Variants in TDRD9 observed in about 807,000 individuals in gnomAD.
TDRD9 encodes ATP-dependent RNA helicase TDRD9.
A neutral mutation model predicts 172.6 loss-of-function variants in TDRD9; 124 were observed. The observed-to-expected ratio is 0.72, with a 90% CI of 0.62 to 0.83. The LOEUF (loss-of-function observed/expected upper bound fraction) is 0.83, where lower values mean the gene tolerates loss of function less well. Among genes scored for constraint, TDRD9 ranks in the 40% least tolerant of loss-of-function variants. The pLI, the probability that TDRD9 is intolerant of heterozygous loss-of-function variation, is 0.00. For missense variants in TDRD9, 1,479 were observed against 1,714.1 expected (o/e 0.86, Z 2.42); for synonymous variants, 619 against 617.1 (o/e 1.00, Z -0.05).
intron 1 of TDRD9, among the ~76,000 whole-genome samples, chr14:103,936,881 C>T (rs866609238): frequency 3.3e-5 from 5 of 152,204 alleles, no homozygotes; most frequent in South Asian, 2.1e-4. Context: ...CACTTGAGGC[C>T]GGGAATTCGA....
At chr14:104,004,086 C>G (rs909716988) in intron 13 of TDRD9, among the ~76,000 whole-genome samples, 152 bp from the exon 14 acceptor site, 1 of 152,080 alleles carries the variant, frequency 6.6e-6, no homozygotes, top group Non-Finnish European at 1.5e-5. Context: ...TAAGAATACA[C>G]TAATGTATTC....
chr14:104,028,577 A>G (rs980985729), intron 28 of TDRD9, among the ~76,000 whole-genome samples: 18 of 151,966 alleles, frequency 1.2e-4, no homozygotes, highest in African/African-American at 4.4e-4. Flanking sequence ...TGTATTCTGG[A>G]TGTTATTCCT....
intron 1 of TDRD9, among the ~76,000 whole-genome samples, chr14:103,952,190 G>GTGTGTATATATA (rs1366094210): frequency 3.1e-4 from 17 of 55,524 alleles, no homozygotes; most frequent in South Asian, 2.0e-3. Flanking sequence ...GCGTGTGTGT[G>GTGTGTATATATA]TATATATATA....
intron 1 of TDRD9, among the ~76,000 whole-genome samples, chr14:103,950,535 C>T (rs2031818390): frequency 6.6e-6 from 1 of 152,170 alleles, no homozygotes; most frequent in Admixed American, 6.5e-5. Context: ...TTATGAAGAA[C>T]ACAGGAAGAT....
intron 2 of TDRD9, among the ~76,000 whole-genome samples, chr14:103,962,736 G>A (rs1020035561): frequency 6.6e-6 from 1 of 151,976 alleles, no homozygotes; most frequent in Non-Finnish European, 1.5e-5. Flanking sequence ...TTAATATTTG[G>A]TTTTCTGTTT....
chr14:103,995,242 G>T (rs2034016276), intron 11 of TDRD9, among the ~76,000 whole-genome samples: 1 of 152,170 alleles, frequency 6.6e-6, no homozygotes. Flanking sequence ...GCTTCAGGAG[G>T]ATTTCTTTAT....
intron 18 of TDRD9, 94 bp from the exon 19 acceptor site, chr14:104,007,066 T>TATGTTGTAAATTTTC: frequency 1.6e-6 from 2 of 1,262,634 alleles, no homozygotes. Flanking sequence ...TGTAAATTTT[T>TATGTTGTAAATTTTC]ATGTTGTAAA....
intron 1 of TDRD9, among the ~76,000 whole-genome samples, chr14:103,938,332 A>C (rs1300240875): frequency 2.0e-5 from 3 of 148,828 alleles, no homozygotes; most frequent in Non-Finnish European, 4.4e-5. Flanking sequence ...TTTCTTGATA[A>C]AACACACCTG....
chr14:103,957,773 G>A (rs2032315942), intron 2 of TDRD9, among the ~76,000 whole-genome samples: 1 of 152,194 alleles, frequency 6.6e-6, no homozygotes, highest in Admixed American at 6.5e-5. Flanking sequence ...TGGCCCAGGG[G>A]CACAGGCAGC....
At chr14:103,960,133 A>T (rs530321021) in intron 2 of TDRD9, among the ~76,000 whole-genome samples, 2 of 152,360 alleles carry the variant, frequency 1.3e-5, no homozygotes, top group South Asian at 4.1e-4. Context: ...ATATATAATT[A>T]TCTATTTGGA....
chr14:103,998,455 C>T (rs2034134625), intron 12 of TDRD9, among the ~76,000 whole-genome samples, 169 bp from the exon 13 acceptor site: 1 of 152,170 alleles, frequency 6.6e-6, no homozygotes, highest in South Asian at 2.1e-4. Context: ...ATGGGACCAG[C>T]AACTCCCCAT....
intron 19 of TDRD9, among the ~76,000 whole-genome samples, chr14:104,007,641 T>TG (rs1340540641): frequency 6.6e-6 from 1 of 150,758 alleles, no homozygotes; most frequent in Non-Finnish European, 1.5e-5. Flanking sequence ...ATTTTATTGT[T>TG]TTTTTTTTTT....
In TDRD9 at chr14:104,038,186, C is replaced by T. The variant is rs929419664; in HGVS notation, c.3717-2010C>T. ...CTGTAACCCTGGGAAGATGGTGCTT[C>T]TGAACAGGCATGAGAGGGTGGGGGG... On this transcript the variant is annotated intron_variant, in intron 32 of 35. Transcript: ENST00000409874. 3.3e-5 allele frequency among the ~76,000 whole-genome samples: 5 copies of T among 152,222 alleles called. No homozygotes were observed. The East Asian group carries it at 9.7e-4, about 29-fold the overall frequency.
chr14:103,951,172 C>T (rs1274101379), intron 1 of TDRD9, among the ~76,000 whole-genome samples: 1 of 152,120 alleles, frequency 6.6e-6, no homozygotes, highest in Non-Finnish European at 1.5e-5. Context: ...CAGAGAGTGC[C>T]CTAAACACAA....
At chr14:103,942,634 C>T (rs1244667510) in intron 1 of TDRD9, among the ~76,000 whole-genome samples, 3 of 152,102 alleles carry the variant, frequency 2.0e-5, no homozygotes, top group Non-Finnish European at 4.4e-5. Context: ...TTTTATTCTT[C>T]AGCTTAACTT....
intron 1 of TDRD9, among the ~76,000 whole-genome samples, chr14:103,931,253 T>C (rs112820526): frequency 0.023 from 3,437 of 151,748 alleles, 76 homozygotes; most frequent in East Asian, 0.07. Flanking sequence ...AAGCTGAGAT[T>C]GTGCCACTGC....
At chr14:103,951,866 AC>A (rs2031890579) in intron 1 of TDRD9, among the ~76,000 whole-genome samples, 1 of 150,712 alleles carries the variant, frequency 6.6e-6, no homozygotes, top group Non-Finnish European at 1.5e-5. Flanking sequence ...TCCCGAGTTC[AC>A]GCCGTTCTCC....
chr14:103,965,299 G>C, intron 3 of TDRD9, 34 bp from the exon 4 acceptor site: 1 of 1,534,850 alleles, frequency 6.5e-7, no homozygotes, highest in Admixed American at 2.0e-5. Flanking sequence ...TTGCCATTTT[G>C]TGCTGATTTT....
rs1159954540 is a variant in TDRD9 at position 104,002,338 on chromosome 14, GA to G, written c.1484-1893del. Among the ~76,000 whole-genome samples, 440 of 108,036 alleles carry G rather than the reference GA, an allele frequency of 4.1e-3. 5 individuals carry two copies. The highest frequency in any genetic ancestry group is 0.014 in the African/African-American group (425 of 29,936). The allele number at this position is 108,036 out of a possible 152,430, so 70.9% of individuals were successfully genotyped here. On this transcript the variant is annotated intron_variant, in intron 13 of 35. Coordinates refer to ENST00000409874, the MANE Select transcript of TDRD9 (RefSeq NM_153046.3). ...GTTTCAAAAAAAAAAAAAAAAAAAAGAAAAAAATTTTAGACAAATTAAATTT... is the reference window on the plus strand; with the variant it reads ...GTTTCAAAAAAAAAAAAAAAAAAAAGAAAAAATTTTAGACAAATTAAATTT...
Sources: allele counts gnomAD v4.1 joint callset (sites outside exome capture counted in the v4.1 genomes callset), GRCh38; gene constraint gnomAD v4.1.1; transcripts MANE v1.5; gene names NCBI Gene and HGNC (gene_info 2026-07-23, HGNC 2026-07-21).